The following FGGY variants were observed in gnomAD, a reference collection of about 807,000 sequenced individuals.
FGGY encodes the protein FGGY carbohydrate kinase domain containing.
Under a neutral mutation model 71.3 loss-of-function variants are expected in FGGY, and 72 were observed. That is an observed-to-expected ratio of 1.01 (90% CI 0.84 to 1.23). The LOEUF (loss-of-function observed/expected upper bound fraction) is 1.23, where lower values mean the gene tolerates loss of function less well. Ranked by LOEUF, FGGY falls within the 50% of genes most tolerant of loss-of-function variation. FGGY has a pLI of 0.00. For missense variants in FGGY, 668 were observed against 682.3 expected, an observed-to-expected ratio of 0.98 and a Z score of 0.23; for synonymous variants, 251 against 250.3, an observed-to-expected ratio of 1.00 and a Z score of -0.02.
At chr1:59,721,025 T>A (rs1184208191) in intron 14 of FGGY, among the ~76,000 whole-genome samples, 1 of 152,122 alleles carries the variant, frequency 6.6e-6, no homozygotes, top group Non-Finnish European at 1.5e-5. Context: ...TTCCGTTGAT[T>A]TTTTCATTGT....
intron 9 of FGGY, among the ~76,000 whole-genome samples, chr1:59,619,790 G>T (rs2096790759): frequency 6.6e-6 from 1 of 152,084 alleles, no homozygotes; most frequent in East Asian, 1.9e-4. Flanking sequence ...TCTTACTGCT[G>T]CCTACTGTGT....
chr1:59,761,960 C>T (rs796267014), intron 15 of FGGY, among the ~76,000 whole-genome samples: 2 of 152,146 alleles, frequency 1.3e-5, no homozygotes, highest in African/African-American at 4.8e-5. Context: ...TAAGTCCGGC[C>T]TTTTTGTATA....
At chr1:59,541,043 G>T (rs1328163296) in intron 7 of FGGY, among the ~76,000 whole-genome samples, 2 of 152,094 alleles carry the variant, frequency 1.3e-5, no homozygotes, top group African/African-American at 4.8e-5. Context: ...TGGCAAGTAG[G>T]CTTTTTTATT....
chr1:59,660,375 A>T, intron 12 of FGGY, 82 bp downstream of exon 12: 1 of 989,876 alleles, frequency 1.0e-6, no homozygotes, highest in South Asian at 1.5e-5. Context: ...GATACAGCAC[A>T]TGCTTTTGTG....
At chr1:59,525,661 G>T (rs1216656556) in intron 7 of FGGY, among the ~76,000 whole-genome samples, 1 of 152,190 alleles carries the variant, frequency 6.6e-6, no homozygotes, top group African/African-American at 2.4e-5. Flanking sequence ...ACAGGTAGAT[G>T]ACGTCTTCCT....
At chr1:59,742,293 T>C (rs1436513674) in intron 14 of FGGY, among the ~76,000 whole-genome samples, 1 of 152,206 alleles carries the variant, frequency 6.6e-6, no homozygotes, top group Admixed American at 6.5e-5. Context: ...CCTCAGTCAT[T>C]AGTGCTGACC....
chr1:59,744,474 G>A (rs1379660950), intron 14 of FGGY, among the ~76,000 whole-genome samples: 2 of 152,176 alleles, frequency 1.3e-5, no homozygotes, highest in Non-Finnish European at 2.9e-5. Context: ...ACCCGCCTCA[G>A]CCTTCCAAAG....
intron 15 of FGGY, among the ~76,000 whole-genome samples, chr1:59,762,234 C>T (rs1000936744): frequency 9.2e-5 from 14 of 152,038 alleles, no homozygotes; most frequent in Non-Finnish European, 1.8e-4. Context: ...GGATTACAGG[C>T]GTCCACCACC....
In FGGY at chr1:59,706,939, T is replaced by A. The variant is rs185390703; in HGVS notation, c.1512+32806T>A. ...ATCTCCTGTCCATTTAAGGGAAGAT[T>A]CCTATTTGTAGTCAGGGGTCCCTGG... On this transcript the variant is annotated intron_variant, in intron 14 of 15. Transcript: ENST00000303721. Among the ~76,000 whole-genome samples, 59 of 152,290 alleles carry A rather than the reference T, an allele frequency of 3.9e-4. 1 individual carries two copies. Among genetic ancestry groups the A allele is most frequent in the Non-Finnish European group, 7.6e-4 (52 of 68,022 alleles).
Position 59,611,442 on chromosome 1 carries a change from A to G in FGGY, c.1011+3532A>G, listed in dbSNP as rs1037927776. ...AACAGACCTGCAGCTGAGGGTCCTG[A>G]CTGTTAGAAGGAAAACTAACAAACA... On this transcript the variant is annotated intron_variant, in intron 9 of 15. Transcript: ENST00000303721. Among the ~76,000 whole-genome samples the G allele has an allele frequency of 7.9e-5, 12 of 152,304 alleles. No individual in the cohort carries two copies. The East Asian group carries it at 1.5e-3, about 20-fold the overall frequency.
At chr1:59,487,857 T>A (rs2093701104) in intron 6 of FGGY, among the ~76,000 whole-genome samples, 1 of 152,156 alleles carries the variant, frequency 6.6e-6, no homozygotes, top group Admixed American at 6.5e-5. Context: ...TGAGGCTCTT[T>A]CACAATCCTA....
At chr1:59,450,001 A>G (rs1405421491) in intron 5 of FGGY, among the ~76,000 whole-genome samples, 4 of 152,114 alleles carry the variant, frequency 2.6e-5, no homozygotes, top group Non-Finnish European at 5.9e-5. Flanking sequence ...TAAACTCCAT[A>G]TAGTTGGGTT....
intron 4 of FGGY, among the ~76,000 whole-genome samples, chr1:59,377,882 A>T (rs2058862552): frequency 6.6e-6 from 1 of 152,224 alleles, no homozygotes. Context: ...TTTGCAATAC[A>T]GAGAACCAAA....
intron 10 of FGGY, 157 bp downstream of exon 10, chr1:59,626,206 A>G: frequency 1.8e-6 from 1 of 560,862 alleles, no homozygotes; most frequent in Non-Finnish European, 3.2e-6. Context: ...AGATAGATGT[A>G]TTAATTCTTT....
chr1:59,533,144 TGCC>T (rs2095202726), intron 7 of FGGY, among the ~76,000 whole-genome samples: 1 of 152,148 alleles, frequency 6.6e-6, no homozygotes, highest in Non-Finnish European at 1.5e-5. Flanking sequence ...GGACAGTGGG[TGCC>T]GCGCACCATG....
At chr1:59,643,932 A>T (rs536857833) in intron 11 of FGGY, among the ~76,000 whole-genome samples, 1 of 152,206 alleles carries the variant, frequency 6.6e-6, no homozygotes, top group Non-Finnish European at 1.5e-5. Flanking sequence ...GCCTTTTAGG[A>T]TGCAAACTCT....
intron 14 of FGGY, among the ~76,000 whole-genome samples, chr1:59,692,931 A>G (rs554362091): frequency 1.3e-5 from 2 of 152,304 alleles, no homozygotes; most frequent in South Asian, 4.2e-4. Flanking sequence ...GCATCAGAAG[A>G]CTTGAGTCTG....
intron 8 of FGGY, among the ~76,000 whole-genome samples, chr1:59,593,079 A>T (rs539684910): frequency 6.6e-6 from 1 of 152,378 alleles, no homozygotes; most frequent in Admixed American, 6.5e-5. Flanking sequence ...TCTAGAGCCC[A>T]GTAGCTCCAG....
chr1:59,483,856 C>T (rs886665544), intron 6 of FGGY, among the ~76,000 whole-genome samples: 2 of 151,888 alleles, frequency 1.3e-5, no homozygotes, highest in Non-Finnish European at 2.9e-5. Flanking sequence ...CTACTCCCAC[C>T]CCTTCTCCTA....
Sources: gnomAD v4.1 joint callset for allele counts (sites outside exome capture counted in the v4.1 genomes callset) on GRCh38, gnomAD v4.1.1 for gene constraint, MANE v1.5 for transcripts, NCBI Gene and HGNC (gene_info 2026-07-23, HGNC 2026-07-21) for gene names.